The following SLCO1C1 variants were observed in gnomAD, a reference collection of about 807,000 sequenced individuals.
SLCO1C1 encodes solute carrier organic anion transporter family member 1C1.
Under a neutral mutation model 76.4 loss-of-function variants are expected in SLCO1C1, and 70 were observed. The observed-to-expected ratio is 0.92, with a 90% CI of 0.76 to 1.12. SLCO1C1 has a LOEUF of 1.12. SLCO1C1 is among the 50% of genes most tolerant of loss of function. The pLI is 0.00. For synonymous variants in SLCO1C1, 306 were observed against 286.1 expected, an observed-to-expected ratio of 1.07 and a Z score of -0.70; for missense variants, 912 against 823.8, an observed-to-expected ratio of 1.11 and a Z score of -1.31.
chr12:20,708,005 GA>G (rs935674487), intron 4 of SLCO1C1, among the ~76,000 whole-genome samples: 4 of 152,204 alleles, frequency 2.6e-5, no homozygotes, highest in Non-Finnish European at 5.9e-5. Context: ...ATTTCTGCGA[GA>G]AAACAAAATA....
intron 7 of SLCO1C1, among the ~76,000 whole-genome samples, chr12:20,717,648 C>CTTTTTTTTTTTTTTTT (rs534946900): frequency 4.7e-5 from 2 of 42,320 alleles, no homozygotes; most frequent in African/African-American, 6.7e-5. Context: ...AACAGCCCTT[C>CTTTTTTTTTTTTTTTT]TTTTTTTTTT....
intron 11 of SLCO1C1, among the ~76,000 whole-genome samples, chr12:20,738,075 G>A (rs1431126318): frequency 1.3e-5 from 2 of 151,934 alleles, no homozygotes; most frequent in African/African-American, 4.8e-5. Flanking sequence ...CAGGTCTCCT[G>A]TCTCTTCTTA....
At chr12:20,738,229 C>G (rs965203018) in intron 11 of SLCO1C1, among the ~76,000 whole-genome samples, 1 of 152,092 alleles carries the variant, frequency 6.6e-6, no homozygotes, top group Non-Finnish European at 1.5e-5. Flanking sequence ...TAACAGAAAG[C>G]AATTGTGAAG....
At chr12:20,750,344 A>G (rs888191543) in intron 13 of SLCO1C1, among the ~76,000 whole-genome samples, 4 of 152,220 alleles carry the variant, frequency 2.6e-5, no homozygotes, top group African/African-American at 9.6e-5. Flanking sequence ...AGGAGAAAGA[A>G]GGATCAATGA....
At chr12:20,747,011 TGTTAGGA>T in intron 13 of SLCO1C1, among the ~76,000 whole-genome samples, 1 of 116,740 alleles carries the variant, frequency 8.6e-6, no homozygotes, top group East Asian at 3.1e-4. Flanking sequence ...TTATAAAATG[TGTTAGGA>T]GTAAGAATGA....
chr12:20,748,480 A>G (rs1949148513), intron 13 of SLCO1C1, among the ~76,000 whole-genome samples: 1 of 152,204 alleles, frequency 6.6e-6, no homozygotes, highest in Non-Finnish European at 1.5e-5. Context: ...CTTGTCCTAT[A>G]TAACCACAAT....
chr12:20,717,621 A>AAGTCTACTG (rs1354078534), intron 7 of SLCO1C1, among the ~76,000 whole-genome samples: 4 of 135,672 alleles, frequency 2.9e-5, no homozygotes, highest in Non-Finnish European at 6.2e-5. Flanking sequence ...CAAGGATTTA[A>AAGTCTACTG]AGTCTACTGG....
intron 12 of SLCO1C1, among the ~76,000 whole-genome samples, chr12:20,741,991 T>G (rs556358886): frequency 6.6e-6 from 1 of 152,320 alleles, no homozygotes; most frequent in South Asian, 2.1e-4. Flanking sequence ...TTTCCCACAA[T>G]TTTTATCATA....
At chr12:20,737,470 A>G (rs1350633147) in intron 11 of SLCO1C1, among the ~76,000 whole-genome samples, 198 bp downstream of exon 11, 1 of 152,182 alleles carries the variant, frequency 6.6e-6, no homozygotes, top group Non-Finnish European at 1.5e-5. Context: ...GGTGAGAATT[A>G]GAGTCATCAA....
chr12:20,740,109 C>A, intron 11 of SLCO1C1, 75 bp from the exon 12 acceptor site: 2 of 1,394,610 alleles, frequency 1.4e-6, no homozygotes, highest in African/African-American at 1.4e-5. Flanking sequence ...CTACGGTAAA[C>A]ATTTTTAACA....
intron 11 of SLCO1C1, 26 bp downstream of exon 11, chr12:20,737,298 G>A (rs763071171): frequency 6.5e-7 from 1 of 1,543,992 alleles, no homozygotes; most frequent in Admixed American, 2.4e-5. Flanking sequence ...TCAAGTATAT[G>A]GCGATGGTCC....
intron 5 of SLCO1C1, among the ~76,000 whole-genome samples, chr12:20,713,894 A>G (rs1947250168): frequency 6.6e-6 from 1 of 152,238 alleles, no homozygotes; most frequent in East Asian, 1.9e-4. Flanking sequence ...AGGTGCCTAC[A>G]CTTCTCTACA....
Position 20,743,339 on chromosome 12 carries a change from G to C in SLCO1C1, c.1768G>C (p.Gly590Arg), listed in dbSNP as rs779608364. 1.9e-6 allele frequency: 3 copies of C among 1,612,212 alleles called. No homozygotes were observed. The South Asian group carries it at 3.3e-5, about 18-fold the overall frequency. Reference sequence around the variant, plus strand: ...GCCACAGCTTAAGTCTTTTGCCTTGGGTATCTACACATTAGCAATAAGAGT... The same window carrying C: ...GCCACAGCTTAAGTCTTTTGCCTTGCGTATCTACACATTAGCAATAAGAGT... ...IKPQLKSFAL[G>R]IYTLAIRVLA... The change falls in exon 13 of 15, where the codon GGT becomes CGT. Residue 590 changes from glycine to arginine, a missense_variant. Physicochemically the swap from Gly to Arg is moderately radical, Grantham distance 125 (BLOSUM62 -2). Coordinates refer to ENST00000266509, the MANE Select transcript of SLCO1C1 (RefSeq NM_017435.5).
intron 14 of SLCO1C1, among the ~76,000 whole-genome samples, chr12:20,751,398 A>G (rs1949297274): frequency 7.1e-6 from 1 of 141,336 alleles, no homozygotes; most frequent in Admixed American, 7.6e-5. Flanking sequence ...TATTGCTTAA[A>G]AAAATGCAAA....
In SLCO1C1 at chr12:20,743,333, G is replaced by C; in HGVS notation, c.1762G>C (p.Ala588Pro). The C allele has an allele frequency of 1.2e-6, 2 of 1,612,494 alleles. No individual in the cohort carries two copies. The highest frequency in any genetic ancestry group is 1.7e-6 in the Non-Finnish European group (2 of 1,179,218). The change falls in exon 13 of 15, where the codon GCC becomes CCC. Residue 588 changes from alanine (A) to proline (P), a missense_variant. By Grantham distance (27) the Ala-to-Pro change is conservative (BLOSUM62 -1). Transcript: ENST00000266509. The part of the protein sequence containing the change: ...RCIKPQLKSF[A>P]LGIYTLAIRV... ...CATTAAGCCACAGCTTAAGTCTTTT[G>C]CCTTGGGTATCTACACATTAGCAAT...
chr12:20,708,808 G>A (rs1326417162), intron 4 of SLCO1C1, among the ~76,000 whole-genome samples: 2 of 152,158 alleles, frequency 1.3e-5, no homozygotes, highest in Non-Finnish European at 2.9e-5. Flanking sequence ...ATGGGCATTT[G>A]AATCACCCGA....
Position 20,737,094 on chromosome 12 carries a change from T to C in SLCO1C1, c.1383-13T>C, listed in dbSNP as rs1249091507. On this transcript the variant is annotated splice_polypyrimidine_tract_variant and intron_variant, in intron 10 of 14. Coordinates refer to ENST00000266509, the MANE Select transcript of SLCO1C1 (RefSeq NM_017435.5). ...TAAGAGGTAATATTTTATATTGTTA[T>C]ATTTCTTTTCAGAACCAAACCTGTC... is the stretch of plus-strand genomic sequence containing the variant. 2 of 1,495,406 alleles carry C rather than the reference T, an allele frequency of 1.3e-6. No homozygotes were observed. The highest frequency in any genetic ancestry group is 1.8e-6 in the Non-Finnish European group (2 of 1,129,280). 92.6% of individuals were successfully genotyped at this position (1,495,406 alleles called of 1,614,324 possible).
intron 13 of SLCO1C1, among the ~76,000 whole-genome samples, chr12:20,749,039 G>A (rs1166629771): frequency 3.3e-5 from 5 of 152,076 alleles, no homozygotes; most frequent in African/African-American, 7.2e-5. Context: ...AGCAGCCATC[G>A]ATGAGTCTGG....
intron 11 of SLCO1C1, among the ~76,000 whole-genome samples, chr12:20,739,450 CG>C (rs1948701449): frequency 6.8e-6 from 1 of 146,622 alleles, no homozygotes; most frequent in African/African-American, 2.5e-5. Context: ...AACCTCTAAA[CG>C]GAGAACTAAA....
Sources: allele counts gnomAD v4.1 joint callset (sites outside exome capture counted in the v4.1 genomes callset), GRCh38; gene constraint gnomAD v4.1.1; transcripts MANE v1.5; gene names NCBI Gene and HGNC (gene_info 2026-07-23, HGNC 2026-07-21).